The following JAKMIP1 variants were observed in gnomAD, a reference collection of about 807,000 sequenced individuals.
JAKMIP1 encodes the protein janus kinase and microtubule interacting protein 1.
JAKMIP1 carries 33 observed loss-of-function variants against 113.0 expected under a neutral mutation model. That is an observed-to-expected ratio of 0.29 (90% CI 0.22 to 0.39). The LOEUF is 0.39. JAKMIP1 is among the 10% of genes least tolerant of loss of function. The pLI is 1.00. For missense variants in JAKMIP1, 813 were observed against 1,080.5 expected (o/e 0.75, Z 3.47); for synonymous variants, 480 against 459.9 (o/e 1.04, Z -0.56).
In JAKMIP1 at chr4:6,170,151, ACACCAC is replaced by A. The variant is rs553153646; in HGVS notation, c.-148+30096_-148+30101del. The stretch of plus-strand genomic sequence containing the variant: ...ACCACCACCACCACTTCCATCACCA[ACACCAC>A]CACCACCACCCTTCTCACCACCTCC... On this transcript the variant is annotated intron_variant, in intron 1 of 20. Transcript: ENST00000409021. Among the ~76,000 whole-genome samples the A allele has an allele frequency of 7.7e-4, 94 of 122,010 alleles. No homozygotes were observed. In the South Asian group the frequency reaches 9.3e-3, roughly 12 times the overall value. 80.0% of individuals were successfully genotyped at this position (122,010 alleles called of 152,430 possible).
intron 3 of JAKMIP1, among the ~76,000 whole-genome samples, chr4:6,104,529 T>A (rs1353091657): frequency 6.6e-6 from 1 of 152,224 alleles, no homozygotes; most frequent in Admixed American, 6.5e-5. Context: ...TCTTTCCCCA[T>A]CCTCTTATGC....
At position 6,139,506 on chromosome 4, in the gene JAKMIP1, G is replaced by T. The variant is rs921312915; in HGVS notation, c.-147-26509C>A. The stretch of plus-strand genomic sequence containing the variant: ...AATGGGGCTGGTCGTGGTGGCTCAC[G>T]CCTGTAACCCCAGCACTTTGGGAGG... On this transcript the variant is annotated intron_variant, in intron 1 of 20. Transcript: ENST00000409021. This position sits in a 1 kb window ranked among gnomAD's most constrained non-coding sequence, Gnocchi z 5.2. Among the ~76,000 whole-genome samples, 3 of 152,084 alleles carry T rather than the reference G, an allele frequency of 2.0e-5. No individual in the cohort carries two copies. Among genetic ancestry groups the T allele is most frequent in the Admixed American group, 6.5e-5 (1 of 15,288 alleles).
Position 6,050,506 on chromosome 4 carries a change from C to G in JAKMIP1, c.1908+72G>C, listed in dbSNP as rs912054925. On this transcript the variant is annotated intron_variant, in intron 14 of 20. Coordinates refer to ENST00000409021, the MANE Select transcript of JAKMIP1 (RefSeq NM_001099433.2). The surrounding 1 kb of genome is among the most constrained non-coding windows in gnomAD (Gnocchi z 7.4). ...AATCAATTCTATCCCAGCACTCCCC[C>G]TTTGCAGCTGAGCCGGGCACTGAGC... 4.2e-5 allele frequency: 44 copies of G among 1,044,012 alleles called. No individual in the cohort carries two copies. Among genetic ancestry groups the G allele is most frequent in the Non-Finnish European group, 6.2e-5 (43 of 698,130 alleles). 64.7% of individuals were successfully genotyped at this position (1,044,012 alleles called of 1,614,324 possible).
In JAKMIP1 at chr4:6,158,919, T is replaced by A. The variant is rs756994143; in HGVS notation, c.-148+41334A>T. ...GCCTGACCAACATGGTGAAACCCCA[T>A]CTCTACAAAAAATACAAAAATTAGC... On this transcript the variant is annotated intron_variant, in intron 1 of 20. Transcript: ENST00000409021. The surrounding 1 kb of genome is among the most constrained non-coding windows in gnomAD (Gnocchi z 5.3). 6.6e-6 allele frequency among the ~76,000 whole-genome samples: 1 copy of A among 151,928 alleles called. No homozygotes were observed. Among genetic ancestry groups the A allele is most frequent in the African/African-American group, 2.4e-5 (1 of 41,360 alleles).
At chr4:6,087,625 G>A (rs1476782382) in intron 3 of JAKMIP1, among the ~76,000 whole-genome samples, 1 of 152,202 alleles carries the variant, frequency 6.6e-6, no homozygotes, top group East Asian at 1.9e-4. Flanking sequence ...CAGTTCTGAT[G>A]TGGAATTTCC....
intron 20 of JAKMIP1, among the ~76,000 whole-genome samples, chr4:6,027,641 C>T (rs1712040430): frequency 6.6e-6 from 1 of 152,224 alleles, no homozygotes; most frequent in Admixed American, 6.5e-5. Context: ...GTTCCTCCTG[C>T]TCTGCATGCC....
intron 1 of JAKMIP1, among the ~76,000 whole-genome samples, chr4:6,122,303 G>C (rs1266258589): frequency 6.6e-6 from 1 of 152,174 alleles, no homozygotes; most frequent in African/African-American, 2.4e-5. Context: ...TCCAGCCTGG[G>C]CGACAGAGTG....
intron 3 of JAKMIP1, among the ~76,000 whole-genome samples, chr4:6,104,789 C>T (rs1713628759): frequency 6.6e-6 from 1 of 152,218 alleles, no homozygotes; most frequent in South Asian, 2.1e-4. Flanking sequence ...CGCCAGCCTC[C>T]CCCTTCACTC....
In JAKMIP1 at chr4:6,064,925, G is replaced by A; in HGVS notation, c.1386C>T (p.Asp462=). 1 of 1,614,134 alleles carries A rather than the reference G, an allele frequency of 6.2e-7. No individual in the cohort carries two copies. The highest frequency in any genetic ancestry group is 8.5e-7 in the Non-Finnish European group (1 of 1,180,038). The change falls in exon 9 of 21, where the codon GAC becomes GAT. Residue 462 remains aspartate, a synonymous_variant. Coordinates refer to ENST00000409021, the MANE Select transcript of JAKMIP1 (RefSeq NM_001099433.2). The surrounding 1 kb of genome is among the most constrained non-coding windows in gnomAD (Gnocchi z 4.3). The stretch of plus-strand genomic sequence containing the variant: ...GCGTGGCTGGGGTCCTGTCTGTCCT[G>A]TCTGTGTTGTAGGATGTTTCGGACA... ...ETLSETSYNT[D]RTDRTPATPE... is the part of the protein sequence containing the mutation.
chr4:6,040,804 C>G lies in JAKMIP1; in HGVS notation c.2098-88G>C, dbSNP rs577884680. The G allele has an allele frequency of 9.9e-7, 1 of 1,012,830 alleles. No individual in the cohort carries two copies. The highest frequency in any genetic ancestry group is 1.6e-5 in the African/African-American group (1 of 63,286). 62.7% of individuals were successfully genotyped at this position (1,012,830 alleles called of 1,614,324 possible). On this transcript the variant is annotated intron_variant, in intron 17 of 20. Transcript: ENST00000409021. The surrounding 1 kb of genome is among the most constrained non-coding windows in gnomAD (Gnocchi z 5.8). ...AGCCCGTTTGCTAGAGAGTGGCAGT[C>G]TCACCGAATTGGGGGCACTCAGATG...
intron 11 of JAKMIP1, 65 bp downstream of exon 11, chr4:6,060,359 C>G: frequency 7.9e-7 from 1 of 1,261,676 alleles, no homozygotes; most frequent in Non-Finnish European, 1.2e-6. Context: ...AAGGGCGAGC[C>G]CCAGGGATAC....
Position 6,181,162 on chromosome 4 carries a change from C to T in JAKMIP1, c.-148+19091G>A, listed in dbSNP as rs1725971863. Among the ~76,000 whole-genome samples the T allele has an allele frequency of 6.6e-6, 1 of 152,168 alleles. No homozygotes were observed. Among genetic ancestry groups the T allele is most frequent in the Non-Finnish European group, 1.5e-5 (1 of 68,046 alleles). ...GGGCTTGATATGACTAGATGCTGAA[C>T]AGGGCGCTCCTTGACAGACACCTAC... On this transcript the variant is annotated intron_variant, in intron 1 of 20. Transcript: ENST00000409021. This position sits in a 1 kb window ranked among gnomAD's most constrained non-coding sequence, Gnocchi z 5.4.
chr4:6,112,738 T>G lies in JAKMIP1; in HGVS notation c.113A>C (p.Gln38Pro). Residue 38 changes from glutamine (Q) to proline (P), a missense_variant, in exon 2 of 21, where the codon CAG becomes CCG. Gln to Pro is a moderately conservative substitution (Grantham distance 76). Coordinates refer to ENST00000409021, the MANE Select transcript of JAKMIP1 (RefSeq NM_001099433.2). ...AACCCCCACCTTGCTTTTTTCCTGCTGGAACTCGATCTGAATGCTGGTCAG... is the reference window on the plus strand; with the variant it reads ...AACCCCCACCTTGCTTTTTTCCTGCGGGAACTCGATCTGAATGCTGGTCAG... Reference protein sequence around the residue: ...AKLTSIQIEFQQEKSKVGKLR... With the variant: ...AKLTSIQIEFPQEKSKVGKLR... 1 of 1,613,932 alleles carries G rather than the reference T, an allele frequency of 6.2e-7. No individual in the cohort carries two copies. Among genetic ancestry groups the G allele is most frequent in the Non-Finnish European group, 8.5e-7 (1 of 1,179,968 alleles).
Position 6,088,277 on chromosome 4 carries a change from A to G in JAKMIP1, c.625-2648T>C, listed in dbSNP as rs1037404045. 6.6e-6 allele frequency among the ~76,000 whole-genome samples: 1 copy of G among 152,186 alleles called. No individual in the cohort carries two copies. Among genetic ancestry groups the G allele is most frequent in the African/African-American group, 2.4e-5 (1 of 41,448 alleles). The stretch of plus-strand genomic sequence containing the variant: ...AGTGATTTGTGCTATGAGGGGGAAA[A>G]AAAACAATAACAACATCAAAGCAAA... On this transcript the variant is annotated intron_variant, in intron 3 of 20. Transcript: ENST00000409021. This position sits in a 1 kb window ranked among gnomAD's most constrained non-coding sequence, Gnocchi z 5.5.
In JAKMIP1 at chr4:6,042,067, A is replaced by G. The variant is rs767185653; in HGVS notation, c.2097+92T>C. On this transcript the variant is annotated intron_variant, in intron 17 of 20. Transcript: ENST00000409021. The surrounding 1 kb of genome is among the most constrained non-coding windows in gnomAD (Gnocchi z 5.2). ...CAAAATTGAGAAATGCATGCAAATC[A>G]TTAGGAAAACACATGCAAAGCCTTC... 1.3e-4 allele frequency: 131 copies of G among 1,036,376 alleles called. No homozygotes were observed. The highest frequency in any genetic ancestry group is 4.1e-4 in the Middle Eastern group (2 of 4,850). The allele number at this position is 1,036,376 out of a possible 1,614,324, so 64.2% of individuals were successfully genotyped here.
At position 6,135,532 on chromosome 4, in the gene JAKMIP1, C is replaced by T. The variant is rs1440043271; in HGVS notation, c.-147-22535G>A. ...ATACAGAGATGCTCCTTGAGCTGCC[C>T]GACCCCACTCCACGGACGGGGATTT... On this transcript the variant is annotated intron_variant, in intron 1 of 20. Coordinates refer to ENST00000409021, the MANE Select transcript of JAKMIP1 (RefSeq NM_001099433.2). The surrounding 1 kb of genome is among the most constrained non-coding windows in gnomAD (Gnocchi z 4.9). Among the ~76,000 whole-genome samples, 5 of 152,108 alleles carry T rather than the reference C, an allele frequency of 3.3e-5. No individual in the cohort carries two copies. The highest frequency in any genetic ancestry group is 1.2e-4 in the African/African-American group (5 of 41,414).
chr4:6,175,720 T>C (rs961953601), intron 1 of JAKMIP1, among the ~76,000 whole-genome samples: 2 of 152,248 alleles, frequency 1.3e-5, no homozygotes, highest in Non-Finnish European at 2.9e-5. Flanking sequence ...GCCTGGGGCA[T>C]GCCTGCCAAT....
rs1264943848 is a variant in JAKMIP1 at position 6,141,570 on chromosome 4, T to G, written c.-147-28573A>C. ...AGTCCTTAGGACCCCCATAAATAAT[T>G]TTATGGGCAACAGCACCTATGCCCC... On this transcript the variant is annotated intron_variant, in intron 1 of 20. Transcript: ENST00000409021. The surrounding 1 kb of genome is among the most constrained non-coding windows in gnomAD (Gnocchi z 9.4). Among the ~76,000 whole-genome samples, 1 of 152,168 alleles carries G rather than the reference T, an allele frequency of 6.6e-6. No homozygotes were observed. The highest frequency in any genetic ancestry group is 6.5e-5 in the Admixed American group (1 of 15,284).
At chr4:6,058,198 G>T (rs567826906) in intron 11 of JAKMIP1, among the ~76,000 whole-genome samples, 3 of 152,206 alleles carry the variant, frequency 2.0e-5, no homozygotes, top group Non-Finnish European at 2.9e-5. Flanking sequence ...CTACCCCCCT[G>T]GGGGAGGCTA....
Sources: gnomAD v4.1 joint callset for allele counts (sites outside exome capture counted in the v4.1 genomes callset) on GRCh38, gnomAD v4.1.1 for gene constraint, Gnocchi (gnomAD v3.1) non-coding constraint, MANE v1.5 for transcripts, NCBI Gene and HGNC (gene_info 2026-07-23, HGNC 2026-07-21) for gene names.